Variants in NPSR1 observed in about 807,000 individuals in gnomAD.
NPSR1 encodes neuropeptide S receptor.
A neutral mutation model predicts 46.9 loss-of-function variants in NPSR1; 48 were observed. The ratio of observed to expected loss-of-function variants is 1.02; its 90% confidence interval spans 0.81 to 1.30. NPSR1 has a LOEUF of 1.30. NPSR1 is among the 50% of genes most tolerant of loss of function. The pLI is 0.00. For missense variants in NPSR1, 450 were observed against 449.5 expected, an observed-to-expected ratio of 1.00 and a Z score of -0.01; for synonymous variants, 176 against 168.1, an observed-to-expected ratio of 1.05 and a Z score of -0.36.
At chr7:34,834,300 CG>C in intron 5 of NPSR1, 83 bp from the exon 6 acceptor site, 1 of 964,814 alleles carries the variant, frequency 1.0e-6, no homozygotes, top group Non-Finnish European at 1.7e-6. Flanking sequence ...ACCTTGCACT[CG>C]GGGAGGTGGG....
At chr7:34,790,981 T>A (rs1387876174) in intron 3 of NPSR1, among the ~76,000 whole-genome samples, 5 of 121,824 alleles carry the variant, frequency 4.1e-5, no homozygotes, top group African/African-American at 1.6e-4. Context: ...ATGTTATATG[T>A]TATATTATAT....
chr7:34,739,783 T>C (rs1162691721), intron 2 of NPSR1, among the ~76,000 whole-genome samples: 1 of 152,114 alleles, frequency 6.6e-6, no homozygotes, highest in Non-Finnish European at 1.5e-5. Context: ...CAGCCATGGA[T>C]ACTAGCACCT....
chr7:34,860,587 A>G (rs7797708), intron 8 of NPSR1, among the ~76,000 whole-genome samples: 27,602 of 151,778 alleles, frequency 0.18, 2,946 homozygotes, highest in Non-Finnish European at 0.24. Flanking sequence ...TCTGCATTCA[A>G]TCTGTTGCAA....
At chr7:34,798,048 G>A (rs1000379524) in intron 3 of NPSR1, among the ~76,000 whole-genome samples, 1 of 152,020 alleles carries the variant, frequency 6.6e-6, no homozygotes, top group Non-Finnish European at 1.5e-5. Context: ...AGATAAAGGG[G>A]AAAATGATAA....
At chr7:34,705,100 G>A (rs567777712) in intron 2 of NPSR1, among the ~76,000 whole-genome samples, 144 of 152,056 alleles carry the variant, frequency 9.5e-4, no homozygotes, top group Non-Finnish European at 1.5e-3. Context: ...CCTGTTTAAC[G>A]TATGATAGAT....
chr7:34,673,636 C>T (rs537786796), intron 1 of NPSR1, among the ~76,000 whole-genome samples: 1 of 151,996 alleles, frequency 6.6e-6, no homozygotes, highest in South Asian at 2.1e-4. Context: ...CCTCTGTCAG[C>T]TTGTCTTGCC....
intron 3 of NPSR1, among the ~76,000 whole-genome samples, chr7:34,783,673 A>T (rs186291164): frequency 6.6e-6 from 1 of 152,258 alleles, no homozygotes; most frequent in Non-Finnish European, 1.5e-5. Flanking sequence ...AGAAGTTTCT[A>T]ATCAGATTTA....
chr7:34,782,327 A>G (rs1787264862), intron 3 of NPSR1, among the ~76,000 whole-genome samples: 1 of 152,130 alleles, frequency 6.6e-6, no homozygotes, highest in South Asian at 2.1e-4. Context: ...AGGCCCTACA[A>G]GCCAGATCTA....
Position 34,792,715 on chromosome 7 carries a change from T to TATATATATATGTATATATATATTTA in NPSR1, c.384+14150_384+14151insATATATATATGTATATATATATTTA, listed in dbSNP as rs1787980054. ...TATATATATACGTATATATATATAT[T>TATATATATATGTATATATATATTTA]TATATATATATATATATATTAGCCA... is the stretch of plus-strand genomic sequence containing the variant. On this transcript the variant is annotated intron_variant, in intron 3 of 8. Transcript: ENST00000360581. 3.6e-4 allele frequency among the ~76,000 whole-genome samples: 36 copies of TATATATATATGTATATATATATTTA among 98,916 alleles called. 1 individual carries two copies. The highest frequency in any genetic ancestry group is 1.2e-3 in the African/African-American group (31 of 25,890). The allele number at this position is 98,916 out of a possible 152,430, so 64.9% of individuals were successfully genotyped here.
At chr7:34,790,659 T>C (rs1231866467) in intron 3 of NPSR1, among the ~76,000 whole-genome samples, 1 of 139,110 alleles carries the variant, frequency 7.2e-6, no homozygotes, top group African/African-American at 2.6e-5. Context: ...TGTATTATGT[T>C]ATAAATATAT....
intron 2 of NPSR1, chr7:34,758,177 T>C (rs1187377569): frequency 6.6e-6 from 1 of 152,654 alleles, no homozygotes; most frequent in African/African-American, 2.4e-5. Context: ...CTATAGAAAG[T>C]GCCTGCAGCA....
At chr7:34,720,891 G>A (rs1375114248) in intron 2 of NPSR1, among the ~76,000 whole-genome samples, 1 of 151,936 alleles carries the variant, frequency 6.6e-6, no homozygotes, top group Non-Finnish European at 1.5e-5. Flanking sequence ...GAAAAAAATA[G>A]AGAAACCATA....
intron 6 of NPSR1, among the ~76,000 whole-genome samples, chr7:34,841,886 T>C (rs1790577037): frequency 1.3e-5 from 2 of 152,224 alleles, no homozygotes; most frequent in Non-Finnish European, 2.9e-5. Flanking sequence ...TGGGGACACT[T>C]TGAAAGAATA....
At chr7:34,875,567 T>G (rs1191494532) in intron 8 of NPSR1, among the ~76,000 whole-genome samples, 1 of 152,120 alleles carries the variant, frequency 6.6e-6, no homozygotes, top group Non-Finnish European at 1.5e-5. Context: ...GATCCCCAAA[T>G]GTGAGGCAAC....
chr7:34,702,458 G>C (rs1793877053), intron 2 of NPSR1, among the ~76,000 whole-genome samples: 1 of 152,222 alleles, frequency 6.6e-6, no homozygotes, highest in Non-Finnish European at 1.5e-5. Context: ...GGCATAGCTT[G>C]TTCTCCATAC....
Position 34,684,594 on chromosome 7 carries a change from A to C in NPSR1, c.190A>C (p.Ile64Leu). 12 of 1,613,792 alleles carry C rather than the reference A, an allele frequency of 7.4e-6. No individual in the cohort carries two copies. Among genetic ancestry groups the C allele is most frequent in the Non-Finnish European group, 1.0e-5 (12 of 1,179,840 alleles). ...TCTGTGGGTCCTCTTTGTTTTTACCATTGTTGGAAACTCCGTTGTGCTTTT... is the reference window on the plus strand; with the variant it reads ...TCTGTGGGTCCTCTTTGTTTTTACCCTTGTTGGAAACTCCGTTGTGCTTTT... Reference protein sequence around the residue: ...ITLWVLFVFTIVGNSVVLFST... With the variant: ...ITLWVLFVFTLVGNSVVLFST... The change falls in exon 2 of 9, where the codon ATT becomes CTT. Residue 64 changes from isoleucine (I) to leucine (L), a missense_variant. Coordinates refer to ENST00000360581, the MANE Select transcript of NPSR1 (RefSeq NM_207172.2).
intron 3 of NPSR1, among the ~76,000 whole-genome samples, chr7:34,798,343 T>C (rs1788284235): frequency 6.6e-6 from 1 of 152,152 alleles, no homozygotes; most frequent in Non-Finnish European, 1.5e-5. Context: ...GTGGCCAGCC[T>C]GACCAACATG....
intron 3 of NPSR1, among the ~76,000 whole-genome samples, chr7:34,807,286 A>C (rs1012642858): frequency 6.6e-6 from 1 of 152,082 alleles, no homozygotes; most frequent in African/African-American, 2.4e-5. Flanking sequence ...TATATCGCCA[A>C]TTTTTGAAAT....
intron 1 of NPSR1, among the ~76,000 whole-genome samples, chr7:34,671,189 AATAAATAT>A (rs899977325): frequency 6.4e-4 from 52 of 80,936 alleles, no homozygotes; most frequent in African/African-American, 5.1e-3. Flanking sequence ...TTAAAAGCAC[AATAAATAT>A]AATATATTTC....
Sources: allele counts gnomAD v4.1 joint callset (sites outside exome capture counted in the v4.1 genomes callset), GRCh38; gene constraint gnomAD v4.1.1; transcripts MANE v1.5; gene names NCBI Gene and HGNC (gene_info 2026-07-23, HGNC 2026-07-21).